Variants in RANBP2 observed in about 807,000 individuals in gnomAD.
RANBP2 encodes E3 SUMO-protein ligase RanBP2.
In RANBP2, 57 loss-of-function variants were observed where a neutral mutation model predicts 303.6. The ratio of observed to expected loss-of-function variants is 0.19; its 90% CI spans 0.15 to 0.23. RANBP2 has a LOEUF of 0.23. RANBP2 is among the 10% of genes least tolerant of loss of function. The pLI is 1.00. For synonymous variants in RANBP2, 1,167 were observed against 1,301.5 expected, an observed-to-expected ratio of 0.90 and a Z score of 2.23; for missense variants, 3,138 against 3,780.8, an observed-to-expected ratio of 0.83 and a Z score of 4.46.
At chr2:109,274,319 A>G in the RANBP2 span, among the ~76,000 whole-genome samples, 1 of 152,254 alleles carries the variant, frequency 6.6e-6, no homozygotes, top group African/African-American at 2.4e-5. Flanking sequence ...ACAGGTGGTC[A>G]AACAAGTATA....
chr2:109,366,673 A>G, the RANBP2 span, among the ~76,000 whole-genome samples: 3 of 152,128 alleles, frequency 2.0e-5, no homozygotes, highest in African/African-American at 7.2e-5. Flanking sequence ...GCATAGTGAG[A>G]CCTTGTCTCT....
At chr2:109,318,116 C>T in the RANBP2 span, among the ~76,000 whole-genome samples, 7 of 150,822 alleles carry the variant, frequency 4.6e-5, no homozygotes, top group Admixed American at 3.3e-4. Context: ...AAAAAAGCCC[C>T]CTTTAAGCAG....
the RANBP2 span, among the ~76,000 whole-genome samples, chr2:108,802,764 G>T: frequency 6.6e-6 from 1 of 150,992 alleles, no homozygotes; most frequent in African/African-American, 2.4e-5. Context: ...TCGGCTGTGG[G>T]TTTGTCATAG....
the RANBP2 span, among the ~76,000 whole-genome samples, chr2:109,317,546 C>T: frequency 5.3e-5 from 8 of 152,126 alleles, no homozygotes; most frequent in Non-Finnish European, 8.8e-5. Flanking sequence ...CTCGTTCTGC[C>T]GGGCCTGCCT....
At chr2:109,379,660 C>A in the RANBP2 span, among the ~76,000 whole-genome samples, 1 of 152,144 alleles carries the variant, frequency 6.6e-6, no homozygotes, top group African/African-American at 2.4e-5. Flanking sequence ...AAGCTCCTGC[C>A]GCAGCGACAG....
intron 4 of RANBP2, among the ~76,000 whole-genome samples, chr2:108,733,454 A>T (rs551238408): frequency 6.6e-6 from 1 of 152,048 alleles, no homozygotes; most frequent in Middle Eastern, 3.4e-3. Flanking sequence ...CTTTTGAGGG[A>T]CATTTTGGTT....
At chr2:108,747,373 G>T (rs931569812) in intron 8 of RANBP2, among the ~76,000 whole-genome samples, 2 of 152,202 alleles carry the variant, frequency 1.3e-5, no homozygotes, top group African/African-American at 4.8e-5. Flanking sequence ...GTGAACTGAA[G>T]AAACATAATG....
At chr2:109,542,028 G>C in the RANBP2 span, among the ~76,000 whole-genome samples, 452 of 152,338 alleles carry the variant, frequency 3.0e-3, 6 homozygotes, top group Non-Finnish European at 1.1e-3. Flanking sequence ...GGCTTTAAAA[G>C]TCGGAGGGAG....
intron 6 of RANBP2, among the ~76,000 whole-genome samples, chr2:108,739,591 C>G (rs542610397): frequency 6.6e-6 from 1 of 152,182 alleles, no homozygotes; most frequent in South Asian, 2.1e-4. Context: ...ACTTTAAAAT[C>G]ATGCTTCACG....
chr2:108,873,936 T>C, the RANBP2 span, among the ~76,000 whole-genome samples: 7 of 152,208 alleles, frequency 4.6e-5, no homozygotes, highest in South Asian at 2.1e-4. Flanking sequence ...ATTATACAGA[T>C]GTAGAAAATT....
chr2:109,066,924 CA>C, the RANBP2 span, among the ~76,000 whole-genome samples: 1 of 152,132 alleles, frequency 6.6e-6, no homozygotes, highest in African/African-American at 2.4e-5. Context: ...GCTCTGACAA[CA>C]ATATTATTTC....
the RANBP2 span, chr2:109,127,687 A>G: frequency 2.0e-5 from 3 of 152,326 alleles, no homozygotes; most frequent in East Asian, 5.8e-4. Context: ...GCTACAAAAA[A>G]TTTAAATTAA....
In RANBP2 at chr2:108,766,374, T is replaced by G. The variant is rs760094898; in HGVS notation, c.5835T>G (p.Phe1945Leu). ...GVIFGQTSST[F>L]TFADLAKSTS... ...TTTTTGGCCAAACAAGTAGCACTTT[T>G]ACATTTGCAGATCTTGCAAAATCAA... Residue 1945 changes from phenylalanine (F) to leucine (L), a missense_variant, in exon 20 of 29, where the codon TTT becomes TTG. Physicochemically the swap from Phe to Leu is conservative, Grantham distance 22. Coordinates refer to ENST00000283195, the MANE Select transcript of RANBP2 (RefSeq NM_006267.5). 1 of 1,611,892 alleles carries G rather than the reference T, an allele frequency of 6.2e-7. No homozygotes were observed.
chr2:108,795,136 T>C, the RANBP2 span, among the ~76,000 whole-genome samples: 1 of 151,016 alleles, frequency 6.6e-6, no homozygotes, highest in South Asian at 2.1e-4. Context: ...TCGGGTTTTT[T>C]GTTTCTAAAG....
the RANBP2 span, among the ~76,000 whole-genome samples, chr2:109,767,580 G>GATT: frequency 1.3e-5 from 2 of 148,220 alleles, no homozygotes; most frequent in East Asian, 4.2e-4. Flanking sequence ...CCCAATCCAA[G>GATT]GAACTAAATG....
At chr2:109,117,631 G>A in the RANBP2 span, among the ~76,000 whole-genome samples, 79 of 152,320 alleles carry the variant, frequency 5.2e-4, no homozygotes, top group Admixed American at 1.2e-3. Context: ...CGCACGGTGC[G>A]CTGCACGCAC....
chr2:109,355,738 A>G, the RANBP2 span, among the ~76,000 whole-genome samples: 1 of 152,144 alleles, frequency 6.6e-6, no homozygotes, highest in Non-Finnish European at 1.5e-5. Context: ...TGAAGCAGCA[A>G]CTTAACACGC....
chr2:108,729,950 G>A (rs1160560077), intron 2 of RANBP2, among the ~76,000 whole-genome samples: 3 of 152,000 alleles, frequency 2.0e-5, no homozygotes, highest in Admixed American at 2.0e-4. Flanking sequence ...GAACTTCTGA[G>A]CACAGCAGTC....
chr2:109,189,832 C>T, the RANBP2 span, among the ~76,000 whole-genome samples: 20 of 152,136 alleles, frequency 1.3e-4, no homozygotes, highest in Admixed American at 2.0e-4. Flanking sequence ...GTTCTCAAGC[C>T]GACAGTGGCC....
Sources: allele counts gnomAD v4.1 joint callset (sites outside exome capture counted in the v4.1 genomes callset), GRCh38; gene constraint gnomAD v4.1.1; transcripts MANE v1.5; gene names NCBI Gene and HGNC (gene_info 2026-07-23, HGNC 2026-07-21).